The following TBC1D5 variants were observed in gnomAD, a reference collection of about 807,000 sequenced individuals.
TBC1D5 encodes the protein TBC1 domain family, member 5.
Under a neutral mutation model 100.3 loss-of-function variants are expected in TBC1D5, and 75 were observed. The ratio of observed to expected loss-of-function variants is 0.75; its 90% CI spans 0.62 to 0.91. The LOEUF is 0.91. Among genes scored for constraint, TBC1D5 ranks in the 40% least tolerant of loss-of-function variants. The pLI is 0.00. For missense variants in TBC1D5, 910 were observed against 942.4 expected, an observed-to-expected ratio of 0.97 and a Z score of 0.45; for synonymous variants, 323 against 325.6, an observed-to-expected ratio of 0.99 and a Z score of 0.09.
chr3:17,636,927 G>A (rs983957924), intron 1 of TBC1D5, among the ~76,000 whole-genome samples: 2 of 152,202 alleles, frequency 1.3e-5, no homozygotes, highest in East Asian at 1.9e-4. Context: ...ATAAAAATTT[G>A]TAAGACAGTA....
chr3:17,337,123 G>GTTTTTTTTTTTTTTTTTT lies in TBC1D5; in HGVS notation c.996-29007_996-28990dup, dbSNP rs11328091. Among the ~76,000 whole-genome samples the GTTTTTTTTTTTTTTTTTT allele has an allele frequency of 1.5e-3, 169 of 116,110 alleles. 2 individuals are homozygous for GTTTTTTTTTTTTTTTTTT. Among genetic ancestry groups the GTTTTTTTTTTTTTTTTTT allele is most frequent in the African/African-American group, 5.7e-3 (161 of 28,438 alleles). The allele number at this position is 116,110 out of a possible 152,430, so 76.2% of individuals were successfully genotyped here. ...AGCTTGCACCAAAATTATCTGAGAGGTTTTTTTTTTTTTTTTTTTTTTAAG... is the reference window on the plus strand; with the variant it reads ...AGCTTGCACCAAAATTATCTGAGAGGTTTTTTTTTTTTTTTTTTTTTTTTTTTTTTTTTTTTTTTTAAG... On this transcript the variant is annotated intron_variant, in intron 13 of 21. Coordinates refer to ENST00000253692, the Ensembl canonical transcript of TBC1D5.
At chr3:17,419,202 A>G (rs912196143) in intron 4 of TBC1D5, among the ~76,000 whole-genome samples, 13 of 152,244 alleles carry the variant, frequency 8.5e-5, no homozygotes, top group East Asian at 3.8e-4. Context: ...AGTTTGCTAC[A>G]TAAGTACAAG....
At chr3:17,676,839 A>G (rs1156913197) in intron 1 of TBC1D5, among the ~76,000 whole-genome samples, 1 of 152,244 alleles carries the variant, frequency 6.6e-6, no homozygotes, top group Non-Finnish European at 1.5e-5. Context: ...GGCCTCAGAA[A>G]TAATACCACA....
At chr3:17,161,137 A>G (rs1559323691) in exon 22 of TBC1D5, 1 of 1,614,198 alleles carries the variant, frequency 6.2e-7, no homozygotes, top group East Asian at 2.2e-5. Context: ...TGAGGGTGCG[A>G]AGAGGCTGGG....
chr3:17,705,796 C>G (rs577158462), intron 1 of TBC1D5, among the ~76,000 whole-genome samples: 4,914 of 137,034 alleles, frequency 0.036, 118 homozygotes, highest in Non-Finnish European at 0.051. Flanking sequence ...TCCTCACATC[C>G]CAGACGATGG....
intron 1 of TBC1D5, among the ~76,000 whole-genome samples, chr3:17,736,300 T>C (rs1470621883): frequency 1.3e-5 from 2 of 152,018 alleles, no homozygotes; most frequent in Admixed American, 1.3e-4. Context: ...AAAAGGTAGA[T>C]CTATAGGTAC....
chr3:17,459,320 C>T (rs1286221161), intron 3 of TBC1D5, among the ~76,000 whole-genome samples: 2 of 152,120 alleles, frequency 1.3e-5, no homozygotes, highest in Non-Finnish European at 2.9e-5. Context: ...ATTAGATTCT[C>T]ATAAGGAGTG....
At chr3:17,697,345 T>A (rs1383447702) in intron 1 of TBC1D5, among the ~76,000 whole-genome samples, 1 of 152,190 alleles carries the variant, frequency 6.6e-6, no homozygotes, top group Non-Finnish European at 1.5e-5. Context: ...TGATTGTATA[T>A]TTAGAAAACC....
intron 18 of TBC1D5, among the ~76,000 whole-genome samples, chr3:17,185,812 T>C (rs1170471961): frequency 6.6e-6 from 1 of 152,134 alleles, no homozygotes; most frequent in Non-Finnish European, 1.5e-5. Context: ...CAGCAGCCCA[T>C]AAATTGTTGC....
intron 16 of TBC1D5, among the ~76,000 whole-genome samples, chr3:17,241,136 T>C (rs2076276232): frequency 6.6e-6 from 1 of 152,162 alleles, no homozygotes; most frequent in Non-Finnish European, 1.5e-5. Context: ...TTGTAAGCCA[T>C]ACAGAGAAAG....
chr3:17,463,366 G>A (rs536107329), intron 3 of TBC1D5, among the ~76,000 whole-genome samples: 1 of 152,196 alleles, frequency 6.6e-6, no homozygotes, highest in African/African-American at 2.4e-5. Context: ...TACTACAGTC[G>A]ATCATCTCAA....
intron 2 of TBC1D5, among the ~76,000 whole-genome samples, chr3:17,599,385 G>T (rs2060785420): frequency 6.6e-6 from 1 of 152,150 alleles, no homozygotes; most frequent in African/African-American, 2.4e-5. Flanking sequence ...AGGTCGAGAG[G>T]AGTTCGGTTG....
intron 4 of TBC1D5, among the ~76,000 whole-genome samples, chr3:17,413,978 C>G (rs1056639074): frequency 2.6e-5 from 4 of 152,082 alleles, no homozygotes; most frequent in African/African-American, 9.7e-5. Flanking sequence ...GGATTCTCAC[C>G]TTGGGGAAAG....
At chr3:17,712,914 T>C (rs1403911508) in intron 1 of TBC1D5, among the ~76,000 whole-genome samples, 5 of 152,196 alleles carry the variant, frequency 3.3e-5, no homozygotes, top group Admixed American at 3.3e-4. Context: ...CCACTCTCCA[T>C]CCCAGTGTCA....
At chr3:17,643,746 G>A (rs994394425) in intron 1 of TBC1D5, among the ~76,000 whole-genome samples, 2 of 152,074 alleles carry the variant, frequency 1.3e-5, no homozygotes, top group African/African-American at 4.8e-5. Context: ...CTTTTGGAAG[G>A]ATCTGTGTTT....
chr3:17,359,641 A>C (rs572048701), intron 13 of TBC1D5, among the ~76,000 whole-genome samples: 2 of 152,204 alleles, frequency 1.3e-5, no homozygotes, highest in South Asian at 4.1e-4. Flanking sequence ...GTCAAAAAAT[A>C]AGGGTAGAAA....
chr3:17,739,838 C>G (rs2077260427), exon 1 of TBC1D5: 1 of 151,750 alleles, frequency 6.6e-6, no homozygotes, highest in African/African-American at 2.4e-5. Flanking sequence ...AACCCCGTCT[C>G]TACTAAAAAT....
intron 9 of TBC1D5, among the ~76,000 whole-genome samples, chr3:17,380,004 T>C (rs2092872443): frequency 6.6e-6 from 1 of 151,248 alleles, no homozygotes; most frequent in African/African-American, 2.4e-5. Flanking sequence ...TACTGTACTG[T>C]ACTGCAGGTA....
intron 13 of TBC1D5, among the ~76,000 whole-genome samples, chr3:17,339,147 A>G (rs1378846102): frequency 6.6e-6 from 1 of 152,258 alleles, no homozygotes; most frequent in Non-Finnish European, 1.5e-5. Context: ...CGTGTGGTAA[A>G]GACAAGCAAT....
Sources: allele counts gnomAD v4.1 joint callset (sites outside exome capture counted in the v4.1 genomes callset), GRCh38; gene constraint gnomAD v4.1.1; transcripts MANE v1.5; gene names NCBI Gene and HGNC (gene_info 2026-07-23, HGNC 2026-07-21).